The following RBP2 variants were observed in gnomAD, a reference collection of about 807,000 sequenced individuals.
The protein encoded by RBP2 is retinol binding protein 2, also known as retinol-binding protein 2.
Under a neutral mutation model 17.0 loss-of-function variants are expected in RBP2, and 17 were observed. The ratio of observed to expected loss-of-function variants is 1.00; its 90% CI spans 0.68 to 1.50. The LOEUF (loss-of-function observed/expected upper bound fraction) is 1.50. Among genes scored for constraint, RBP2 ranks in the 40% most tolerant of loss-of-function variants. The probability of loss-of-function intolerance (pLI) is 0.00; values close to 1 mark genes in which losing one functional copy is unlikely to be tolerated. For missense variants in RBP2, 158 were observed against 168.2 expected (o/e 0.94, Z 0.33); for synonymous variants, 48 against 57.1 (o/e 0.84, Z 0.72).
Position 139,462,112 on chromosome 3 carries a change from C to T in RBP2, c.252G>A (p.Lys84=), listed in dbSNP as rs186702992. ...YTKSLDNRHV[K]ALVTWEGDVL... ...GAAAAACACCAGCCCCGGTCAGTAC[C>T]TTAACATGCCGGTTATCCAGGCTCT... is the stretch of plus-strand genomic sequence containing the variant. The change falls in exon 2 of 4, where the codon AAG becomes AAA. Residue 84 remains lysine (K), a splice_region_variant and synonymous_variant. Transcript: ENST00000232217. 6.9e-5 allele frequency: 112 copies of T among 1,614,070 alleles called. No individual in the cohort carries two copies. In the East Asian group the frequency reaches 2.4e-3, roughly 34 times the overall value.
At chr3:139,465,126 A>G (rs17494356) in intron 1 of RBP2, among the ~76,000 whole-genome samples, 1 of 152,138 alleles carries the variant, frequency 6.6e-6, no homozygotes, top group Non-Finnish European at 1.5e-5. Flanking sequence ...AGAGAGATTG[A>G]GTTGGAAGGA....
At chr3:139,459,400 A>ATATATGTGTG (rs111417242) in intron 2 of RBP2, among the ~76,000 whole-genome samples, 174 of 128,554 alleles carry the variant, frequency 1.4e-3, no homozygotes, top group East Asian at 3.0e-3. Flanking sequence ...TACTATATAT[A>ATATATGTGTG]TGTGTGTGTG....
chr3:139,469,299 T>A (rs1298247394), intron 1 of RBP2, among the ~76,000 whole-genome samples: 1 of 152,148 alleles, frequency 6.6e-6, no homozygotes, highest in Admixed American at 6.5e-5. Context: ...TTAGATGAGA[T>A]CCCTGCCTGC....
chr3:139,454,910 T>C (rs1156232357), intron 2 of RBP2, 80 bp from the exon 3 acceptor site: 21 of 1,369,078 alleles, frequency 1.5e-5, no homozygotes, highest in Non-Finnish European at 1.9e-5. Context: ...CTGCAATTCC[T>C]GCAGCCATTT....
At chr3:139,471,752 A>G (rs1258056781) in intron 1 of RBP2, among the ~76,000 whole-genome samples, 3 of 152,048 alleles carry the variant, frequency 2.0e-5, no homozygotes, top group African/African-American at 4.8e-5. Flanking sequence ...AATCCAGTCT[A>G]TTTCCTGCTC....
Position 139,452,915 on chromosome 3 carries a change from G to T in RBP2, c.*201C>A. The T allele has an allele frequency of 5.1e-6, 3 of 587,034 alleles. No individual in the cohort carries two copies. The highest frequency in any genetic ancestry group is 3.0e-5 in the Admixed American group (1 of 33,848). The allele number at this position is 587,034 out of a possible 1,614,324, so 36.4% of individuals were successfully genotyped here. ...GTTTCAAAATATGGGAGTAATTTTT[G>T]TTTTTCCATTTAATGCTAGGTTTCA... On this transcript the variant is annotated 3_prime_UTR_variant, in exon 4 of 4. Coordinates refer to ENST00000232217, the MANE Select transcript of RBP2 (RefSeq NM_004164.3).
intron 2 of RBP2, 51 bp downstream of exon 2, chr3:139,462,061 C>G: frequency 6.4e-7 from 1 of 1,557,402 alleles, no homozygotes; most frequent in Non-Finnish European, 8.7e-7. Flanking sequence ...ACCAAATAGC[C>G]AGCCCCTGGC....
intron 1 of RBP2, among the ~76,000 whole-genome samples, chr3:139,467,607 T>C (rs1008110938): frequency 3.3e-5 from 5 of 152,188 alleles, no homozygotes; most frequent in African/African-American, 1.2e-4. Context: ...CTATTTACAG[T>C]GTGGATTCAG....
intron 3 of RBP2, among the ~76,000 whole-genome samples, chr3:139,453,832 T>C (rs1218956057): frequency 6.6e-6 from 1 of 152,186 alleles, no homozygotes; most frequent in Non-Finnish European, 1.5e-5. Flanking sequence ...GGGGATTGTA[T>C]TACAATTAGA....
chr3:139,469,695 A>G lies in RBP2; in HGVS notation c.73+6692T>C, dbSNP rs112325439. On this transcript the variant is annotated intron_variant, in intron 1 of 3. Coordinates refer to ENST00000232217, the MANE Select transcript of RBP2 (RefSeq NM_004164.3). The stretch of plus-strand genomic sequence containing the variant: ...TGTCTGTCTGTCTGTCTGTCTATCT[A>G]TCTATCTATCTATCTATCTATCTAT... Among the ~76,000 whole-genome samples the G allele has an allele frequency of 3.9e-3, 411 of 106,286 alleles. 2 individuals carry two copies. The highest frequency in any genetic ancestry group is 6.3e-3 in the Admixed American group (71 of 11,320). 69.7% of individuals were successfully genotyped at this position (106,286 alleles called of 152,430 possible).
At chr3:139,459,604 C>T (rs910932988) in intron 2 of RBP2, among the ~76,000 whole-genome samples, 5 of 149,966 alleles carry the variant, frequency 3.3e-5, no homozygotes, top group African/African-American at 7.4e-5. Flanking sequence ...GCCTGAGCAA[C>T]GAGAGTGAAA....
intron 1 of RBP2, among the ~76,000 whole-genome samples, chr3:139,468,451 T>C (rs1029844259): frequency 1.5e-4 from 23 of 152,048 alleles, no homozygotes; most frequent in Admixed American, 1.5e-3. Context: ...GGGAATCTTA[T>C]TAGAAGACTA....
chr3:139,469,691 A>ATCTGTCTG (rs1244622145), intron 1 of RBP2, among the ~76,000 whole-genome samples: 3 of 71,424 alleles, frequency 4.2e-5, no homozygotes, highest in Non-Finnish European at 1.0e-4. Context: ...CTGTCTGTCT[A>ATCTGTCTG]TCTATCTATC....
intron 3 of RBP2, among the ~76,000 whole-genome samples, chr3:139,453,677 C>T (rs951088865): frequency 6.6e-6 from 1 of 152,200 alleles, no homozygotes; most frequent in African/African-American, 2.4e-5. Context: ...GACAAGGTCC[C>T]GCTTTTCATC....
At chr3:139,455,944 C>A (rs1185073562) in intron 2 of RBP2, among the ~76,000 whole-genome samples, 1 of 152,170 alleles carries the variant, frequency 6.6e-6, no homozygotes, top group East Asian at 1.9e-4. Flanking sequence ...CTTCAAATTT[C>A]TCCTCCTTCT....
chr3:139,453,881 A>G (rs987068525), intron 3 of RBP2, among the ~76,000 whole-genome samples: 1 of 152,162 alleles, frequency 6.6e-6, no homozygotes, highest in Admixed American at 6.5e-5. Flanking sequence ...AGGGAAAGCC[A>G]TCAATGCAAA....
At chr3:139,453,704 A>G (rs1044134599) in intron 3 of RBP2, among the ~76,000 whole-genome samples, 6 of 152,252 alleles carry the variant, frequency 3.9e-5, no homozygotes, top group African/African-American at 1.4e-4. Flanking sequence ...GAGGGAGCCC[A>G]GGCCTTATTT....
chr3:139,473,946 A>G (rs1318182625), intron 1 of RBP2, among the ~76,000 whole-genome samples: 1 of 152,190 alleles, frequency 6.6e-6, no homozygotes, highest in Non-Finnish European at 1.5e-5. Flanking sequence ...GCACCAACAG[A>G]TTCCCACTCT....
intron 2 of RBP2, among the ~76,000 whole-genome samples, chr3:139,461,180 G>A (rs1933175263): frequency 6.6e-6 from 1 of 152,200 alleles, no homozygotes; most frequent in South Asian, 2.1e-4. Flanking sequence ...ACCACACGGT[G>A]ATGCTGGGGA....
Sources: allele counts gnomAD v4.1 joint callset (sites outside exome capture counted in the v4.1 genomes callset), GRCh38; gene constraint gnomAD v4.1.1; transcripts MANE v1.5; gene names NCBI Gene and HGNC (gene_info 2026-07-23, HGNC 2026-07-21).